ACVR1C: variants seen among roughly 807,000 people sequenced by gnomAD.
ACVR1C encodes the protein activin A receptor type 1C, also known as activin receptor type-1C.
ACVR1C carries 23 observed loss-of-function variants against 57.9 expected under a neutral mutation model. That is an observed-to-expected ratio of 0.40 (90% CI 0.29 to 0.56). ACVR1C has a LOEUF of 0.56. Ranked by LOEUF, ACVR1C falls within the 20% of genes least tolerant of loss-of-function variation. The pLI is 0.50. For missense variants in ACVR1C, 480 were observed against 607.9 expected (o/e 0.79, Z 2.21); for synonymous variants, 214 against 215.3 (o/e 0.99, Z 0.05).
At chr2:157,554,920 T>C (rs111773090) in intron 3 of ACVR1C, among the ~76,000 whole-genome samples, 1 of 152,002 alleles carries the variant, frequency 6.6e-6, no homozygotes, top group East Asian at 1.9e-4. Flanking sequence ...TATATATATA[T>C]ATGGAATCCC....
intron 1 of ACVR1C, among the ~76,000 whole-genome samples, chr2:157,619,437 A>G (rs572754792): frequency 6.6e-6 from 1 of 152,130 alleles, no homozygotes; most frequent in African/African-American, 2.4e-5. Context: ...AAATATGTAT[A>G]TTAGAAGAGA....
chr2:157,590,842 T>C (rs114555510), intron 1 of ACVR1C, among the ~76,000 whole-genome samples: 3,057 of 152,102 alleles, frequency 0.02, 96 homozygotes, highest in African/African-American at 0.069. Flanking sequence ...CCAGTTCCAA[T>C]CTTACAAATC....
intron 1 of ACVR1C, among the ~76,000 whole-genome samples, chr2:157,614,199 A>G (rs957092217): frequency 6.6e-6 from 1 of 152,116 alleles, no homozygotes; most frequent in Non-Finnish European, 1.5e-5. Flanking sequence ...GTGGATAGCA[A>G]TGTCCTTCTT....
intron 2 of ACVR1C, among the ~76,000 whole-genome samples, chr2:157,581,532 TCA>T (rs1463828126): frequency 6.6e-6 from 1 of 151,958 alleles, no homozygotes. Context: ...AAAAATTTTG[TCA>T]CACACACAAA....
intron 1 of ACVR1C, among the ~76,000 whole-genome samples, chr2:157,605,320 G>A (rs957050436): frequency 2.0e-5 from 3 of 151,592 alleles, no homozygotes; most frequent in African/African-American, 4.8e-5. Flanking sequence ...TAGGTACTAC[G>A]AGCATTCCAA....
chr2:157,606,631 C>T (rs900955021), intron 1 of ACVR1C, among the ~76,000 whole-genome samples: 3 of 151,486 alleles, frequency 2.0e-5, no homozygotes, highest in African/African-American at 4.8e-5. Flanking sequence ...ATAATCTTTC[C>T]CCATTTTTAA....
intron 2 of ACVR1C, among the ~76,000 whole-genome samples, chr2:157,585,288 G>T (rs938138227): frequency 5.3e-5 from 8 of 152,184 alleles, no homozygotes; most frequent in African/African-American, 1.9e-4. Context: ...TCTCGATAAA[G>T]AAACTATTTT....
At chr2:157,610,680 T>G (rs575609798) in intron 1 of ACVR1C, among the ~76,000 whole-genome samples, 1 of 152,322 alleles carries the variant, frequency 6.6e-6, no homozygotes, top group South Asian at 2.1e-4. Flanking sequence ...AATTTGTATA[T>G]TTGGTCCCTT....
In ACVR1C at chr2:157,534,063, A is replaced by T. The variant is rs774861153; in HGVS notation, c.1357-20T>A. On this transcript the variant is annotated intron_variant, in intron 8 of 8. Coordinates refer to ENST00000243349, the MANE Select transcript of ACVR1C (RefSeq NM_145259.3). ...GAGTGCCTTTAAGAGAGAAAAAAAA[A>T]ATCAAAGACTTTAGCTACTCTACAT... 4.4e-5 allele frequency: 66 copies of T among 1,513,408 alleles called. No homozygotes were observed. The Middle Eastern group carries it at 1.4e-3, about 32-fold the overall frequency. 93.7% of individuals were successfully genotyped at this position (1,513,408 alleles called of 1,614,324 possible).
chr2:157,576,325 C>T (rs1227735222), intron 2 of ACVR1C, among the ~76,000 whole-genome samples: 1 of 151,014 alleles, frequency 6.6e-6, no homozygotes, highest in Admixed American at 6.6e-5. Flanking sequence ...CCTGCCTCAG[C>T]CTCCTGAGTA....
intron 1 of ACVR1C, among the ~76,000 whole-genome samples, chr2:157,626,849 G>T (rs1475184107): frequency 6.6e-6 from 1 of 152,176 alleles, no homozygotes; most frequent in Non-Finnish European, 1.5e-5. Flanking sequence ...TAAAAGTTCA[G>T]CTTCAATAAA....
chr2:157,582,905 T>C (rs1190904329), intron 2 of ACVR1C, among the ~76,000 whole-genome samples: 52 of 152,158 alleles, frequency 3.4e-4, no homozygotes, highest in Non-Finnish European at 1.5e-4. Flanking sequence ...TCTGAAATAG[T>C]GTCTCACTCT....
chr2:157,546,786 T>C (rs1402516217), intron 4 of ACVR1C, among the ~76,000 whole-genome samples: 4 of 152,296 alleles, frequency 2.6e-5, no homozygotes, highest in Admixed American at 6.5e-5. Context: ...ATGGGTACAA[T>C]ATTTTATGAG....
intron 1 of ACVR1C, among the ~76,000 whole-genome samples, chr2:157,589,758 T>TGC: frequency 6.6e-6 from 1 of 151,842 alleles, no homozygotes; most frequent in Non-Finnish European, 1.5e-5. Flanking sequence ...AGGCATCACA[T>TGC]TACCCAACTT....
chr2:157,587,251 A>C lies in ACVR1C; in HGVS notation c.240T>G (p.Asn80Lys). ...TGAAGCAGCATTCGGTTTTGGTAAC[A>C]TTGTTGGAACTATGACAGAAGACTT... is the stretch of plus-strand genomic sequence containing the variant. Reference protein sequence around the residue: ...NAQVFCHSSNNVTKTECCFTD... With the variant: ...NAQVFCHSSNKVTKTECCFTD... The change falls in exon 2 of 9, where the codon AAT (asparagine) becomes AAG (lysine). Residue 80 changes from asparagine to lysine, a missense_variant. Coordinates refer to ENST00000243349, the MANE Select transcript of ACVR1C (RefSeq NM_145259.3). 1 of 1,613,738 alleles carries C rather than the reference A, an allele frequency of 6.2e-7. No homozygotes were observed. Among genetic ancestry groups the C allele is most frequent in the East Asian group, 2.2e-5 (1 of 44,868 alleles).
intron 4 of ACVR1C, among the ~76,000 whole-genome samples, chr2:157,545,331 G>T (rs1178628587): frequency 2.6e-5 from 4 of 152,168 alleles, no homozygotes; most frequent in African/African-American, 9.7e-5. Context: ...CTCAGGGAAA[G>T]GATCTATAAT....
intron 1 of ACVR1C, among the ~76,000 whole-genome samples, chr2:157,604,536 C>G (rs1682351285): frequency 6.6e-6 from 1 of 151,912 alleles, no homozygotes; most frequent in South Asian, 2.1e-4. Flanking sequence ...CTGTAATAAA[C>G]ATTAATATAC....
chr2:157,541,249 G>A, intron 6 of ACVR1C, 35 bp from the exon 7 acceptor site: 1 of 1,600,950 alleles, frequency 6.2e-7, no homozygotes, highest in Non-Finnish European at 8.5e-7. Context: ...TTCTGTCTAT[G>A]ACTTTATAGC....
Position 157,587,322 on chromosome 2 carries a change from C to G in ACVR1C, c.169G>C (p.Glu57Gln). 6.2e-7 allele frequency: 1 copy of G among 1,613,692 alleles called. No homozygotes were observed. Residue 57 changes from glutamate (E) to glutamine (Q), a missense_variant, in exon 2 of 9, where the codon GAG becomes CAG. By Grantham distance (29) the Glu-to-Gln change is conservative. Coordinates refer to ENST00000243349, the MANE Select transcript of ACVR1C (RefSeq NM_145259.3). ...WASVMLTNGK[E>Q]QVIKSCVSLP... ...GAGACACAGGATTTGATCACCTGCTCTTTTCCATTGGTTAGCATGACTGAT... is the reference window on the plus strand; with the variant it reads ...GAGACACAGGATTTGATCACCTGCTGTTTTCCATTGGTTAGCATGACTGAT...
Sources: gnomAD v4.1 joint callset for allele counts (sites outside exome capture counted in the v4.1 genomes callset) on GRCh38, gnomAD v4.1.1 for gene constraint, MANE v1.5 for transcripts, NCBI Gene and HGNC (gene_info 2026-07-23, HGNC 2026-07-21) for gene names.